LZTS1: variants seen among roughly 807,000 people sequenced by gnomAD.
LZTS1 encodes leucine zipper tumor suppressor 1, also known as leucine zipper putative tumor suppressor 1.
LZTS1 carries 31 observed loss-of-function variants against 45.8 expected under a neutral mutation model. That is an observed-to-expected ratio of 0.68 (90% CI 0.51 to 0.91). LZTS1 has a LOEUF of 0.91. LZTS1 is among the 40% of genes least tolerant of loss of function. The probability of loss-of-function intolerance (pLI) is 0.00; values close to 1 mark genes in which losing one functional copy is unlikely to be tolerated. For missense variants in LZTS1, 821 were observed against 788.9 expected, an observed-to-expected ratio of 1.04 and a Z score of -0.49; for synonymous variants, 359 against 357.3, an observed-to-expected ratio of 1.00 and a Z score of -0.05.
chr8:20,291,903 C>T (rs1800906643), intron 1 of LZTS1, among the ~76,000 whole-genome samples: 2 of 152,190 alleles, frequency 1.3e-5, no homozygotes, highest in South Asian at 4.1e-4. Context: ...CAGGAAAAAC[C>T]TCATGCCTTG....
intron 1 of LZTS1, among the ~76,000 whole-genome samples, chr8:20,266,735 G>T (rs1800365273): frequency 6.6e-6 from 1 of 152,208 alleles, no homozygotes; most frequent in Non-Finnish European, 1.5e-5. Context: ...TTAGGAATGT[G>T]CTGAGTTAGA....
chr8:20,250,234 C>T lies in LZTS1; in HGVS notation c.1279G>A (p.Glu427Lys). 6.2e-7 allele frequency: 1 copy of T among 1,613,366 alleles called. No homozygotes were observed. The highest frequency in any genetic ancestry group is 1.1e-5 in the South Asian group (1 of 91,086). The change falls in exon 4 of 4, where the codon GAG becomes AAG. Residue 427 changes from glutamate to lysine, a missense_variant. Glu to Lys is a moderately conservative substitution (Grantham distance 56). Transcript: ENST00000381569. ...TCCTGGGTCCTCAGCTCCAGGCCCT[C>T]CAGCTTGCCCCGCGTGTCCTTCAGC... ...AQLKDTRGKLEGLELRTQDLE... is the reference protein window; with the variant it reads ...AQLKDTRGKLKGLELRTQDLE...
At chr8:20,263,568 GA>G (rs1421307096) in intron 1 of LZTS1, among the ~76,000 whole-genome samples, 1 of 152,104 alleles carries the variant, frequency 6.6e-6, no homozygotes, top group African/African-American at 2.4e-5. Flanking sequence ...TCACTTTAAC[GA>G]CTCCCTGCTT....
Position 20,248,373 on chromosome 8 carries a change from ATCTC to A in LZTS1, c.*1345_*1348del, listed in dbSNP as rs1157088880. ...AAACAACAGAGAAACTCCACCTTTT[ATCTC>A]TCTCTACCACCGCCTCCCGCTCCGC... On this transcript the variant is annotated 3_prime_UTR_variant, in exon 4 of 4. Transcript: ENST00000381569. The A allele has an allele frequency of 1.3e-5, 2 of 152,268 alleles. No individual in the cohort carries two copies. Among genetic ancestry groups the A allele is most frequent in the African/African-American group, 4.8e-5 (2 of 41,424 alleles). The allele number at this position is 152,268 out of a possible 1,614,324, so 9.4% of individuals were successfully genotyped here.
Position 20,246,838 on chromosome 8 carries a change from G to C in LZTS1, c.*2884C>G, listed in dbSNP as rs1585267796. ...CAGAGCAGGTTGGTCCATCCGAGTG[G>C]GTCAGTGGGTCGGCCAGCAGGCGTG... is the stretch of plus-strand genomic sequence containing the variant. On this transcript the variant is annotated 3_prime_UTR_variant, in exon 4 of 4. Coordinates refer to ENST00000381569, the MANE Select transcript of LZTS1 (RefSeq NM_021020.5). 2 of 152,552 alleles carry C rather than the reference G, an allele frequency of 1.3e-5. No individual in the cohort carries two copies. The highest frequency in any genetic ancestry group is 3.9e-4 in the East Asian group (2 of 5,158). 9.4% of individuals were successfully genotyped at this position (152,552 alleles called of 1,614,324 possible).
In LZTS1 at chr8:20,253,589, T is replaced by C; in HGVS notation, c.346-4A>G. On this transcript the variant is annotated splice_polypyrimidine_tract_variant and splice_region_variant and intron_variant, in intron 2 of 3. Coordinates refer to ENST00000381569, the MANE Select transcript of LZTS1 (RefSeq NM_021020.5). ...TCACTGCACCCTTCTCGGAGCCCTG[T>C]AGAGGAAAAGGACCGCGGTGACTCA... 1 of 1,446,200 alleles carries C rather than the reference T, an allele frequency of 6.9e-7. No individual in the cohort carries two copies. The highest frequency in any genetic ancestry group is 9.1e-7 in the Non-Finnish European group (1 of 1,102,034). 89.6% of individuals were successfully genotyped at this position (1,446,200 alleles called of 1,614,324 possible).
At chr8:20,278,348 G>T (rs1586238) in intron 1 of LZTS1, among the ~76,000 whole-genome samples, 132,314 of 152,186 alleles carry the variant, frequency 0.87, 57,937 homozygotes, top group East Asian at 0.98. Flanking sequence ...CCACGGTGCA[G>T]GTACAGCATT....
chr8:20,253,704 C>T (rs1800014524), intron 2 of LZTS1, 119 bp from the exon 3 acceptor site: 1 of 690,538 alleles, frequency 1.4e-6, no homozygotes, highest in Non-Finnish European at 2.3e-6. Flanking sequence ...CACGCAGCAC[C>T]CCTCTTGGTC....
At chr8:20,288,437 C>T (rs1800836031) in intron 1 of LZTS1, among the ~76,000 whole-genome samples, 1 of 152,184 alleles carries the variant, frequency 6.6e-6, no homozygotes, top group African/African-American at 2.4e-5. Context: ...ACACAGCTTC[C>T]TCTTGGGCTT....
At chr8:20,292,131 G>C (rs552805744) in intron 1 of LZTS1, among the ~76,000 whole-genome samples, 12 of 152,372 alleles carry the variant, frequency 7.9e-5, no homozygotes, top group African/African-American at 2.9e-4. Flanking sequence ...AGATGAAAAC[G>C]CCTGAGCGGG....
At chr8:20,272,828 C>A (rs1432182346) in intron 1 of LZTS1, among the ~76,000 whole-genome samples, 1 of 152,204 alleles carries the variant, frequency 6.6e-6, no homozygotes, top group African/African-American at 2.4e-5. Flanking sequence ...CTCGTCAACG[C>A]CAACCTTCTC....
chr8:20,289,177 C>G (rs1335675549), intron 1 of LZTS1: 1 of 152,122 alleles, frequency 6.6e-6, no homozygotes, highest in African/African-American at 2.4e-5. Context: ...TTTAGGAAAA[C>G]AGATTTGTAA....
Position 20,249,679 on chromosome 8 carries a change from C to A in LZTS1, c.*43G>T, listed in dbSNP as rs1374749821. 2 of 1,561,946 alleles carry A rather than the reference C, an allele frequency of 1.3e-6. No homozygotes were observed. The highest frequency in any genetic ancestry group is 1.7e-6 in the Non-Finnish European group (2 of 1,158,258). On this transcript the variant is annotated 3_prime_UTR_variant, in exon 4 of 4. Transcript: ENST00000381569. ...GGGGGGATGCACGGGAGAGCCCTGC[C>A]TCCCAGTGCCAGGTCCCCAGACTCG...
intron 1 of LZTS1, among the ~76,000 whole-genome samples, chr8:20,273,044 C>T (rs1388876402): frequency 6.6e-6 from 1 of 152,172 alleles, no homozygotes; most frequent in Non-Finnish European, 1.5e-5. Flanking sequence ...GCTCTTCAAT[C>T]CACAGAGGCC....
intron 1 of LZTS1, among the ~76,000 whole-genome samples, chr8:20,256,084 AG>A (rs373220682): frequency 5.3e-5 from 7 of 133,298 alleles, no homozygotes; most frequent in African/African-American, 1.2e-4. Flanking sequence ...AAAAAAAAAA[AG>A]AAGAAGAAGA....
chr8:20,278,895 T>C (rs1434145992), intron 1 of LZTS1, among the ~76,000 whole-genome samples: 3 of 152,228 alleles, frequency 2.0e-5, no homozygotes, highest in African/African-American at 7.2e-5. Context: ...CTCGGAGATC[T>C]GTACTCACTC....
chr8:20,265,383 C>T (rs1800332249), intron 1 of LZTS1, among the ~76,000 whole-genome samples: 1 of 152,048 alleles, frequency 6.6e-6, no homozygotes, highest in Non-Finnish European at 1.5e-5. Flanking sequence ...ACTTGCATCT[C>T]AGCTAGGCAT....
intron 1 of LZTS1, among the ~76,000 whole-genome samples, chr8:20,273,039 T>G (rs1242803859): frequency 2.6e-5 from 4 of 152,182 alleles, no homozygotes; most frequent in African/African-American, 9.6e-5. Context: ...CATTGGCTCT[T>G]CAATCCACAG....
At chr8:20,273,341 C>A (rs138819405) in intron 1 of LZTS1, among the ~76,000 whole-genome samples, 202 of 152,226 alleles carry the variant, frequency 1.3e-3, no homozygotes, top group African/African-American at 4.5e-3. Context: ...TTCTGCACGG[C>A]GTCAGCTGCA....
Sources: allele counts gnomAD v4.1 joint callset (sites outside exome capture counted in the v4.1 genomes callset), GRCh38; gene constraint gnomAD v4.1.1; transcripts MANE v1.5; gene names NCBI Gene and HGNC (gene_info 2026-07-23, HGNC 2026-07-21).